The following ASPSCR1 variants were observed in gnomAD, a reference collection of about 807,000 sequenced individuals.
ASPSCR1 encodes the protein ASPSCR1 tether for SLC2A4, UBX domain containing, also known as tether containing UBX domain for GLUT4.
A neutral mutation model predicts 68.9 loss-of-function variants in ASPSCR1; 55 were observed. The observed-to-expected ratio is 0.80, with a 90% CI of 0.64 to 1.00. ASPSCR1 has a LOEUF of 1.00. Among genes scored for constraint, ASPSCR1 ranks in the 50% least tolerant of loss-of-function variants. The probability of loss-of-function intolerance (pLI) is 0.00; values close to 1 mark genes in which losing one functional copy is unlikely to be tolerated. For synonymous variants in ASPSCR1, 352 were observed against 332.6 expected (o/e 1.06, Z -0.63); for missense variants, 765 against 762.2 (o/e 1.00, Z -0.04).
intron 4 of ASPSCR1, among the ~76,000 whole-genome samples, chr17:81,989,245 C>G (rs1027313817): frequency 6.6e-6 from 1 of 152,288 alleles, no homozygotes; most frequent in Non-Finnish European, 1.5e-5. Context: ...AAGCTCAGAC[C>G]CAAGCTTTGT....
rs1598410342 is a variant in ASPSCR1 at position 81,997,743 on chromosome 17, C to G, written c.933+897C>G. Among the ~76,000 whole-genome samples, 3 of 151,272 alleles carry G rather than the reference C, an allele frequency of 2.0e-5. No homozygotes were observed. In the South Asian group the frequency reaches 6.3e-4, roughly 32 times the overall value. ...TGACCTTGTGATCCACCCACCTCGG[C>G]CTCCCAAAGTGCTGGGATTACAGGC... is the stretch of plus-strand genomic sequence containing the variant. On this transcript the variant is annotated intron_variant, in intron 7 of 15. Transcript: ENST00000306739.
intron 3 of ASPSCR1, 37 bp from the exon 4 acceptor site, chr17:81,985,470 C>T (rs1289229434): frequency 3.8e-6 from 6 of 1,593,000 alleles, no homozygotes; most frequent in Non-Finnish European, 5.2e-6. Context: ...AGTTGCTTTT[C>T]TTCCTAAGGA....
chr17:81,987,858 A>G lies in ASPSCR1; in HGVS notation c.374+2251A>G, dbSNP rs1300179168. Among the ~76,000 whole-genome samples the G allele has an allele frequency of 6.6e-6, 1 of 151,936 alleles. No individual in the cohort carries two copies. Among genetic ancestry groups the G allele is most frequent in the Non-Finnish European group, 1.5e-5 (1 of 67,988 alleles). On this transcript the variant is annotated intron_variant, in intron 4 of 15. Coordinates refer to ENST00000306739, the MANE Select transcript of ASPSCR1 (RefSeq NM_024083.4). This position sits in a 1 kb window ranked among gnomAD's most constrained non-coding sequence, Gnocchi z 5.6. The stretch of plus-strand genomic sequence containing the variant: ...GCAAAACTCCATCTCAAAAAAACAA[A>G]AAAACAAAAGAAACAACAAGGCTGG...
intron 7 of ASPSCR1, among the ~76,000 whole-genome samples, chr17:81,997,670 T>C (rs550570172): frequency 6.6e-6 from 1 of 151,428 alleles, no homozygotes; most frequent in Admixed American, 6.6e-5. Context: ...TTTGTATTTT[T>C]AGTAGAGACA....
At position 82,009,097 on chromosome 17, in the gene ASPSCR1, C is replaced by G. The variant is rs747972818; in HGVS notation, c.994C>G (p.Arg332Gly). The change falls in exon 8 of 16, where the codon CGG (arginine) becomes GGG (glycine). Residue 332 changes from arginine (R) to glycine (G), a missense_variant. Arg to Gly is a moderately radical substitution (Grantham distance 125, BLOSUM62 -2). Transcript: ENST00000306739. ...GGTGTGCCACCCCGACCTGGAGGAG[C>G]GGCTGCAGGCCTGGCCAGCGGAGCT... The part of the protein sequence containing the change: ...PVVCHPDLEE[R>G]LQAWPAELPD... 3 of 1,590,620 alleles carry G rather than the reference C, an allele frequency of 1.9e-6. No individual in the cohort carries two copies. Among genetic ancestry groups the G allele is most frequent in the South Asian group, 1.1e-5 (1 of 88,094 alleles).
At chr17:81,981,345 TG>T (rs372553777) in intron 2 of ASPSCR1, among the ~76,000 whole-genome samples, 3,449 of 151,796 alleles carry the variant, frequency 0.023, 132 homozygotes, top group African/African-American at 0.079. Flanking sequence ...TTCAGTTGGT[TG>T]GGGGGGGCTT....
intron 12 of ASPSCR1, among the ~76,000 whole-genome samples, chr17:82,012,644 G>A (rs1375773227): frequency 6.6e-6 from 1 of 152,184 alleles, no homozygotes; most frequent in Non-Finnish European, 1.5e-5. Context: ...TCGGAGCAGG[G>A]CTCAGGGAGC....
intron 12 of ASPSCR1, chr17:82,014,702 C>T (rs112938817): frequency 5.9e-5 from 16 of 273,030 alleles, no homozygotes; most frequent in East Asian, 5.0e-4. Context: ...GGCGGCCAGG[C>T]GCTGGGCCAC....
Position 82,012,425 on chromosome 17 carries a change from G to C in ASPSCR1, c.1353+142G>C, listed in dbSNP as rs545136983. ...AAGCCTTTGAGAGCCGGTGGGTTCC[G>C]AGGGGGCCGTGCGCCTCTGAAGTTG... On this transcript the variant is annotated intron_variant, in intron 12 of 15. Coordinates refer to ENST00000306739, the MANE Select transcript of ASPSCR1 (RefSeq NM_024083.4). The C allele has an allele frequency of 3.0e-6, 3 of 994,142 alleles. No homozygotes were observed. The African/African-American group carries it at 4.9e-5, about 16-fold the overall frequency. The allele number at this position is 994,142 out of a possible 1,614,324, so 61.6% of individuals were successfully genotyped here. A position where few individuals can be genotyped will look rare whatever the true frequency, so the allele number is the denominator to read the frequency against.
chr17:82,017,195 G>T, intron 15 of ASPSCR1, 82 bp downstream of exon 15: 1 of 1,579,862 alleles, frequency 6.3e-7, no homozygotes, highest in Non-Finnish European at 8.6e-7. Context: ...TCAGTGGGCT[G>T]GGGGGCTAGG....
chr17:81,989,253 T>TG (rs2042088087), intron 4 of ASPSCR1, among the ~76,000 whole-genome samples: 1 of 152,214 alleles, frequency 6.6e-6, no homozygotes, highest in Admixed American at 6.5e-5. Context: ...ACCCAAGCTT[T>TG]GTCCCAGAAG....
chr17:82,009,293 C>A (rs1359041675), intron 8 of ASPSCR1, 102 bp downstream of exon 8: 1 of 1,452,816 alleles, frequency 6.9e-7, no homozygotes, highest in Non-Finnish European at 9.2e-7. Context: ...GGCTCCCGGC[C>A]CAGGTCCCTG....
intron 13 of ASPSCR1, 57 bp from the exon 14 acceptor site, chr17:82,016,740 GGGT>G: frequency 6.4e-7 from 1 of 1,562,606 alleles, no homozygotes; most frequent in Admixed American, 1.8e-5. Context: ...GGCAGATGCT[GGGT>G]GGATGGTGAG....
chr17:81,983,426 T>C lies in ASPSCR1; in HGVS notation c.159-128T>C. The C allele has an allele frequency of 8.0e-6, 6 of 750,432 alleles. No homozygotes were observed. In the South Asian group the frequency reaches 1.0e-4, roughly 13 times the overall value. The allele number at this position is 750,432 out of a possible 1,614,324, so 46.5% of individuals were successfully genotyped here. A position where few individuals can be genotyped will look rare whatever the true frequency, so the allele number is the denominator to read the frequency against. On this transcript the variant is annotated intron_variant, in intron 2 of 15. Transcript: ENST00000306739. The surrounding 1 kb of genome is among the most constrained non-coding windows in gnomAD (Gnocchi z 4.4). ...TCATGACGTCCCGCTGTTGGGGAGC[T>C]GCCACAGGACGTGGATGGCGGGGCG...
In ASPSCR1 at chr17:81,983,678, G is replaced by GC; in HGVS notation, c.273+11dup. On this transcript the variant is annotated intron_variant, in intron 3 of 15. Coordinates refer to ENST00000306739, the MANE Select transcript of ASPSCR1 (RefSeq NM_024083.4). The surrounding 1 kb of genome is among the most constrained non-coding windows in gnomAD (Gnocchi z 4.4). ...GGGGCCTGAGAACATGGTGGGTCGT[G>GC]CTCTGGGGGAGGCTGACTGTGTGGG... 1.9e-6 allele frequency: 3 copies of GC among 1,600,238 alleles called. No homozygotes were observed. Among genetic ancestry groups the GC allele is most frequent in the Non-Finnish European group, 2.6e-6 (3 of 1,171,148 alleles).
chr17:82,014,148 T>G (rs888658867), intron 12 of ASPSCR1: 1 of 152,132 alleles, frequency 6.6e-6, no homozygotes, highest in Non-Finnish European at 1.5e-5. Context: ...GCCACTCACC[T>G]GGCAGGGCGT....
At chr17:82,016,723 G>A in intron 13 of ASPSCR1, 77 bp from the exon 14 acceptor site, 1 of 1,527,234 alleles carries the variant, frequency 6.5e-7, no homozygotes, top group Non-Finnish European at 8.9e-7. Flanking sequence ...AGAGCTGAGT[G>A]CTGGTGGGCA....
rs1043924790 is a variant in ASPSCR1, at chr17:82,009,574, A to G, written c.1170+7A>G. ...GCTGGAGCGCTACCCAAAGGTCTGC[A>G]GACAGGATGTGGGGGCGACTGAGGC... On this transcript the variant is annotated splice_region_variant and intron_variant, in intron 9 of 15. Coordinates refer to ENST00000306739, the MANE Select transcript of ASPSCR1 (RefSeq NM_024083.4). The G allele has an allele frequency of 1.0e-6, 1 of 999,252 alleles. No homozygotes were observed. The highest frequency in any genetic ancestry group is 1.3e-6 in the Non-Finnish European group (1 of 778,046). The allele number at this position is 999,252 out of a possible 1,614,324, so 61.9% of individuals were successfully genotyped here.
chr17:82,001,725 A>G (rs996733216), intron 7 of ASPSCR1, among the ~76,000 whole-genome samples: 36 of 152,284 alleles, frequency 2.4e-4, no homozygotes, highest in African/African-American at 8.2e-4. Flanking sequence ...GTTGGGCCCA[A>G]GATCCCCTGG....
Sources: gnomAD v4.1 joint callset for allele counts (sites outside exome capture counted in the v4.1 genomes callset) on GRCh38, gnomAD v4.1.1 for gene constraint, Gnocchi (gnomAD v3.1) non-coding constraint, MANE v1.5 for transcripts, NCBI Gene and HGNC (gene_info 2026-07-23, HGNC 2026-07-21) for gene names.